Variants in CENPC observed in about 807,000 individuals in gnomAD.
CENPC encodes CENP-C 1.
In CENPC, 63 loss-of-function variants were observed where a neutral mutation model predicts 112.1. That is an observed-to-expected ratio of 0.56 (90% CI 0.46 to 0.69). The LOEUF (loss-of-function observed/expected upper bound fraction) is 0.69. Ranked by LOEUF, CENPC falls within the 30% of genes least tolerant of loss-of-function variation. CENPC has a pLI of 0.00. For synonymous variants in CENPC, 333 were observed against 367.6 expected (o/e 0.91, Z 1.08); for missense variants, 1,000 against 1,103.8 (o/e 0.91, Z 1.33).
chr4:67,542,104 G>A (rs983704302), intron 2 of CENPC, among the ~76,000 whole-genome samples: 1 of 152,140 alleles, frequency 6.6e-6, no homozygotes, highest in African/African-American at 2.4e-5. Flanking sequence ...AAGAACATCT[G>A]GATTTCAATC....
Position 67,509,027 on chromosome 4 carries a change from G to A in CENPC, c.1691C>T (p.Thr564Ile). The A allele has an allele frequency of 2.5e-6, 4 of 1,612,614 alleles. No individual in the cohort carries two copies. Among genetic ancestry groups the A allele is most frequent in the Non-Finnish European group, 3.4e-6 (4 of 1,179,444 alleles). ...HNSSRKSTKK[T>I]NQSSKNIRKK... ...CCTAATATTCTTAGATGACTGATTT[G>A]TTTTCTTAGTAGATTTTCGGCTACT... Residue 564 changes from threonine (T) to isoleucine (I), a missense_variant, in exon 10 of 19, where the codon ACA becomes ATA. By Grantham distance (89) the Thr-to-Ile change is moderately conservative. Transcript: ENST00000273853.
intron 5 of CENPC, among the ~76,000 whole-genome samples, chr4:67,528,052 C>G (rs1726435883): frequency 2.0e-5 from 3 of 152,102 alleles, no homozygotes; most frequent in Admixed American, 2.0e-4. Flanking sequence ...AATAAAACCT[C>G]TCTTTAGCTG....
chr4:67,483,789 A>T (rs1156413061), intron 17 of CENPC, among the ~76,000 whole-genome samples: 1 of 152,192 alleles, frequency 6.6e-6, no homozygotes, highest in East Asian at 1.9e-4. Context: ...AAGTTAAAAA[A>T]AAAATAGAAA....
At chr4:67,492,840 A>G in intron 15 of CENPC, 29 bp downstream of exon 15, 1 of 1,512,360 alleles carries the variant, frequency 6.6e-7, no homozygotes, top group South Asian at 1.3e-5. Flanking sequence ...AATAAAATCT[A>G]AAAGTTACTT....
intron 18 of CENPC, 49 bp from the exon 19 acceptor site, chr4:67,472,724 T>C (rs1724701036): frequency 7.0e-7 from 1 of 1,428,736 alleles, no homozygotes; most frequent in Non-Finnish European, 9.2e-7. Flanking sequence ...TATGAATCAT[T>C]CTTTTTGATT....
intron 17 of CENPC, among the ~76,000 whole-genome samples, chr4:67,478,236 C>T (rs1053061637): frequency 2.0e-5 from 3 of 152,112 alleles, no homozygotes; most frequent in African/African-American, 7.2e-5. Context: ...CATCACCTAG[C>T]CACACAGTCA....
At chr4:67,537,351 T>C (rs1726755058) in intron 4 of CENPC, among the ~76,000 whole-genome samples, 1 of 152,316 alleles carries the variant, frequency 6.6e-6, no homozygotes. Context: ...TAATGTATTA[T>C]GTTTCATAAG....
At chr4:67,518,446 A>T in intron 6 of CENPC, 78 bp from the exon 7 acceptor site, 2 of 1,400,978 alleles carry the variant, frequency 1.4e-6, no homozygotes. Context: ...ACTCCTTTAC[A>T]GAGACAATAC....
chr4:67,533,485 G>A (rs1054994895), intron 4 of CENPC, among the ~76,000 whole-genome samples: 1 of 152,154 alleles, frequency 6.6e-6, no homozygotes, highest in Admixed American at 6.5e-5. Context: ...AAAGACAGAG[G>A]CAGGCTTTCA....
At chr4:67,540,840 T>C in intron 3 of CENPC, 140 bp downstream of exon 3, 2 of 664,232 alleles carry the variant, frequency 3.0e-6, no homozygotes, top group Non-Finnish European at 5.3e-6. Context: ...GGATTGCATA[T>C]GAACTCAAAA....
At chr4:67,483,892 C>A (rs537535867) in intron 17 of CENPC, among the ~76,000 whole-genome samples, 1 of 151,994 alleles carries the variant, frequency 6.6e-6, no homozygotes, top group Non-Finnish European at 1.5e-5. Flanking sequence ...AAGTTAACAA[C>A]AACAACAAAA....
Position 67,530,880 on chromosome 4 carries a change from G to T in CENPC, c.266C>A (p.Ser89Tyr). The T allele has an allele frequency of 6.2e-7, 1 of 1,604,438 alleles. No individual in the cohort carries two copies. The highest frequency in any genetic ancestry group is 1.3e-5 in the African/African-American group (1 of 74,588). ...TAGAGAGGCTTCTTTCTTCTTTGAAGAAACTGGAACTGACTTTGGATGTGA... is the reference window on the plus strand; with the variant it reads ...TAGAGAGGCTTCTTTCTTCTTTGAATAAACTGGAACTGACTTTGGATGTGA... ...QKSHPKSVPVSSKKKEASLQF... is the reference protein window; with the variant it reads ...QKSHPKSVPVYSKKKEASLQF... Residue 89 changes from serine (S) to tyrosine (Y), a missense_variant, in exon 5 of 19, where the codon TCT becomes TAT. Ser to Tyr is a moderately radical substitution (Grantham distance 144). Coordinates refer to ENST00000273853, the MANE Select transcript of CENPC (RefSeq NM_001812.4).
intron 8 of CENPC, 114 bp from the exon 9 acceptor site, chr4:67,512,683 G>A (rs972290007): frequency 1.3e-5 from 9 of 681,228 alleles, no homozygotes; most frequent in African/African-American, 1.9e-5. Flanking sequence ...TTATCCTGTG[G>A]CCTTTTCATC....
chr4:67,518,380 A>T lies in CENPC; in HGVS notation c.618-12T>A. On this transcript the variant is annotated splice_polypyrimidine_tract_variant and intron_variant, in intron 6 of 18. Transcript: ENST00000273853. ...CATCAAAGTTTAACCTAAAAGGTTAAAAGGAGGGTAAGCTGAATGCTCCCG... is the reference window on the plus strand; with the variant it reads ...CATCAAAGTTTAACCTAAAAGGTTATAAGGAGGGTAAGCTGAATGCTCCCG... 6.6e-7 allele frequency: 1 copy of T among 1,511,960 alleles called. No homozygotes were observed. The highest frequency in any genetic ancestry group is 8.8e-7 in the Non-Finnish European group (1 of 1,135,084). 93.7% of individuals were successfully genotyped at this position (1,511,960 alleles called of 1,614,324 possible).
intron 14 of CENPC, 62 bp downstream of exon 14, chr4:67,493,822 G>C (rs1725352726): frequency 2.0e-6 from 2 of 981,140 alleles, no homozygotes; most frequent in Admixed American, 4.0e-5. Context: ...ATGTAGTGCA[G>C]TGTCTGGCAC....
chr4:67,478,012 A>T (rs895205646), intron 17 of CENPC, among the ~76,000 whole-genome samples: 31 of 146,474 alleles, frequency 2.1e-4, no homozygotes, highest in Non-Finnish European at 2.7e-4. Flanking sequence ...AAAATAAATT[A>T]AAAAAAAAAA....
At chr4:67,478,666 A>ACC (rs58607048) in intron 17 of CENPC, among the ~76,000 whole-genome samples, 3,443 of 76,602 alleles carry the variant, frequency 0.045, 225 homozygotes, top group East Asian at 0.15. Flanking sequence ...ACACACACAC[A>ACC]CCCAAAGTAT....
At chr4:67,483,213 T>G (rs917688997) in intron 17 of CENPC, among the ~76,000 whole-genome samples, 9 of 152,060 alleles carry the variant, frequency 5.9e-5, no homozygotes, top group African/African-American at 1.7e-4. Context: ...TATAGGAGTA[T>G]GAGAAGGGAC....
At chr4:67,489,197 T>TAC (rs33944071) in intron 17 of CENPC, among the ~76,000 whole-genome samples, 7,308 of 148,370 alleles carry the variant, frequency 0.049, 363 homozygotes, top group East Asian at 0.2. Flanking sequence ...CTGTTATACA[T>TAC]ACACACACAC....
Sources: gnomAD v4.1 joint callset for allele counts (sites outside exome capture counted in the v4.1 genomes callset) on GRCh38, gnomAD v4.1.1 for gene constraint, MANE v1.5 for transcripts, NCBI Gene and HGNC (gene_info 2026-07-23, HGNC 2026-07-21) for gene names.